The following KDELR2 variants were observed in gnomAD, a reference collection of about 807,000 sequenced individuals.
The protein encoded by KDELR2 is KDEL endoplasmic reticulum protein retention receptor 2, also known as ER lumen protein-retaining receptor 2.
In KDELR2, 15 loss-of-function variants were observed where a neutral mutation model predicts 23.9. That is an observed-to-expected ratio of 0.63 (90% CI 0.42 to 0.97). The LOEUF is 0.97. KDELR2 is among the 50% of genes least tolerant of loss of function. The probability of loss-of-function intolerance (pLI) is 0.00; values close to 1 mark genes in which losing one functional copy is unlikely to be tolerated. For missense variants in KDELR2, 272 were observed against 254.6 expected (o/e 1.07, Z -0.46); for synonymous variants, 119 against 106.2 (o/e 1.12, Z -0.74).
chr7:6,475,595 A>T (rs918700533), intron 1 of KDELR2, among the ~76,000 whole-genome samples: 3 of 152,022 alleles, frequency 2.0e-5, no homozygotes, highest in East Asian at 1.9e-4. Flanking sequence ...CCACCAACCC[A>T]CCTCCAGAGC....
chr7:6,462,813 T>TAA lies in KDELR2; in HGVS notation c.*326_*327dup. ...AAGAGTTTCAAAGAATTTTTTAAAATAAAAAAAAAATTTGCACTTATTCCT... is the reference window on the plus strand; with the variant it reads ...AAGAGTTTCAAAGAATTTTTTAAAATAAAAAAAAAAAATTTGCACTTATTCCT... On this transcript the variant is annotated 3_prime_UTR_variant, in exon 5 of 5. Coordinates refer to ENST00000258739, the MANE Select transcript of KDELR2 (RefSeq NM_006854.4). The TAA allele has an allele frequency of 1.8e-6, 1 of 566,568 alleles. No individual in the cohort carries two copies. The allele number at this position is 566,568 out of a possible 1,614,324, so 35.1% of individuals were successfully genotyped here.
At chr7:6,466,911 C>T (rs1785515040) in intron 3 of KDELR2, among the ~76,000 whole-genome samples, 1 of 152,138 alleles carries the variant, frequency 6.6e-6, no homozygotes, top group Non-Finnish European at 1.5e-5. Flanking sequence ...GCTTCACTTG[C>T]TCACCCACGG....
In KDELR2 at chr7:6,464,922, G is replaced by C. The variant is rs562540607; in HGVS notation, c.604+1149C>G. On this transcript the variant is annotated intron_variant, in intron 4 of 4. Transcript: ENST00000258739. ...CGGCTAATTTTGTATTTTTAGTAGA[G>C]ATGGGGTTTCGCCATGTTGGTCAGG... Among the ~76,000 whole-genome samples the C allele has an allele frequency of 3.6e-4, 54 of 151,944 alleles. No individual in the cohort carries two copies. In the South Asian group the frequency reaches 6.8e-3, roughly 19 times the overall value.
rs1333973027 is a variant in KDELR2, at chr7:6,462,692, A to C, written c.*449T>G. The stretch of plus-strand genomic sequence containing the variant: ...AACAAATACAGCTCATCTTTTGCCA[A>C]AAAATAAATATAGTGGAATGCAAGT... On this transcript the variant is annotated 3_prime_UTR_variant, in exon 5 of 5. Transcript: ENST00000258739. 3.3e-6 allele frequency: 1 copy of C among 300,576 alleles called. No individual in the cohort carries two copies. Among genetic ancestry groups the C allele is most frequent in the Non-Finnish European group, 6.1e-6 (1 of 163,806 alleles). The allele number at this position is 300,576 out of a possible 1,614,324, so 18.6% of individuals were successfully genotyped here.
At position 6,462,747 on chromosome 7, in the gene KDELR2, A is replaced by G; in HGVS notation, c.*394T>C. ...GGGATGGAAGAATATATAATCTATC[A>G]ACTGTCAAGGAGTACAATTTCATTG... is the stretch of plus-strand genomic sequence containing the variant. On this transcript the variant is annotated 3_prime_UTR_variant, in exon 5 of 5. Transcript: ENST00000258739. 4 of 440,130 alleles carry G rather than the reference A, an allele frequency of 9.1e-6. No individual in the cohort carries two copies. The highest frequency in any genetic ancestry group is 1.6e-5 in the Non-Finnish European group (4 of 250,598). 27.3% of individuals were successfully genotyped at this position (440,130 alleles called of 1,614,324 possible). A position where few individuals can be genotyped will look rare whatever the true frequency, so the allele number is the denominator to read the frequency against.
rs1785392071 is a variant in KDELR2 at position 6,461,706 on chromosome 7, A to C, written c.*1435T>G. 6.6e-6 allele frequency: 1 copy of C among 151,500 alleles called. No homozygotes were observed. Among genetic ancestry groups the C allele is most frequent in the South Asian group, 2.1e-4 (1 of 4,810 alleles). 9.4% of individuals were successfully genotyped at this position (151,500 alleles called of 1,614,324 possible). ...ACCCATCCTGCTCCCTTCCTCCAGAAGACGTTGTAATGCAGAAAGCCAAAA... is the reference window on the plus strand; with the variant it reads ...ACCCATCCTGCTCCCTTCCTCCAGACGACGTTGTAATGCAGAAAGCCAAAA... On this transcript the variant is annotated 3_prime_UTR_variant, in exon 5 of 5. Transcript: ENST00000258739.
In KDELR2 at chr7:6,474,202, C is replaced by T. The variant is rs1785708670; in HGVS notation, c.174G>A (p.Leu58=). Residue 58 remains leucine, a synonymous_variant, in exon 2 of 5, where the codon TTG becomes TTA. Transcript: ENST00000258739. ...YLDLFTSFIS[L]YNTSMKVIYL... ...ACCATACCTTCATAGATGTGTTATA[C>T]AATGAAATAAATGAAGTAAAAAGAT... 2 of 1,610,004 alleles carry T rather than the reference C, an allele frequency of 1.2e-6. No homozygotes were observed. The highest frequency in any genetic ancestry group is 3.3e-5 in the Admixed American group (2 of 59,988).
chr7:6,474,615 T>A (rs1785717781), intron 1 of KDELR2, among the ~76,000 whole-genome samples: 1 of 152,210 alleles, frequency 6.6e-6, no homozygotes, highest in African/African-American at 2.4e-5. Flanking sequence ...AATTTCTCAA[T>A]AATTCTGCTG....
intron 1 of KDELR2, 26 bp downstream of exon 1, chr7:6,483,941 T>C (rs1392692807): frequency 1.3e-6 from 2 of 1,481,966 alleles, no homozygotes; most frequent in Non-Finnish European, 9.0e-7. Flanking sequence ...CGCCCGAGCC[T>C]CTCCGGGCCT....
chr7:6,479,699 G>T (rs1785845988), intron 1 of KDELR2, among the ~76,000 whole-genome samples: 1 of 151,988 alleles, frequency 6.6e-6, no homozygotes, highest in Non-Finnish European at 1.5e-5. Context: ...GGATGGTCTG[G>T]ATCTCCTGCC....
chr7:6,470,866 G>A (rs1192194885), intron 2 of KDELR2, among the ~76,000 whole-genome samples: 2 of 152,068 alleles, frequency 1.3e-5, no homozygotes, highest in Non-Finnish European at 2.9e-5. Context: ...TGTAATCCTA[G>A]CACTCTGGGA....
chr7:6,464,517 TCAAAA>T (rs939167801), intron 4 of KDELR2, among the ~76,000 whole-genome samples: 11 of 151,776 alleles, frequency 7.2e-5, no homozygotes, highest in South Asian at 6.2e-4. Flanking sequence ...AGACTCAGTC[TCAAAA>T]CAAAACAAAA....
chr7:6,476,222 G>A (rs2115331503), intron 1 of KDELR2, among the ~76,000 whole-genome samples: 1 of 152,290 alleles, frequency 6.6e-6, no homozygotes, highest in African/African-American at 2.4e-5. Context: ...CATCTAAATA[G>A]AAATGGAAAA....
chr7:6,483,147 G>A lies in KDELR2; in HGVS notation c.91+820C>T, dbSNP rs900527038. Among the ~76,000 whole-genome samples the A allele has an allele frequency of 1.8e-4, 27 of 152,338 alleles. 1 individual carries two copies. The highest frequency in any genetic ancestry group is 1.2e-4 in the Non-Finnish European group (8 of 68,038). On this transcript the variant is annotated intron_variant, in intron 1 of 4. Transcript: ENST00000258739. The stretch of plus-strand genomic sequence containing the variant: ...TGCATGAAATCTGTACTCTTGATCA[G>A]GGAACCAGCCAGCTCACTGGTGACG...
chr7:6,466,746 G>A (rs76644135), intron 3 of KDELR2, among the ~76,000 whole-genome samples: 1 of 151,650 alleles, frequency 6.6e-6, no homozygotes, highest in Admixed American at 6.6e-5. Context: ...TCAGGCATTA[G>A]ATTTTCATAA....
intron 2 of KDELR2, among the ~76,000 whole-genome samples, chr7:6,473,409 T>C (rs1785693140): frequency 6.6e-6 from 1 of 152,168 alleles, no homozygotes; most frequent in African/African-American, 2.4e-5. Flanking sequence ...AATTCAACAC[T>C]GTGCGAAAGA....
chr7:6,465,485 A>ATG (rs67752280), intron 4 of KDELR2, among the ~76,000 whole-genome samples: 92 of 5,646 alleles, frequency 0.016, no homozygotes, highest in Non-Finnish European at 0.04. Context: ...CCTGGCATAA[A>ATG]TGTTTTTTTT....
chr7:6,466,023 T>C (rs1273258602), intron 4 of KDELR2, 48 bp downstream of exon 4: 2 of 1,599,798 alleles, frequency 1.3e-6, no homozygotes, highest in East Asian at 4.5e-5. Context: ...AGGGCACTCC[T>C]AAAAGAACAC....
Position 6,461,990 on chromosome 7 carries a change from G to A in KDELR2, c.*1151C>T, listed in dbSNP as rs1785397734. On this transcript the variant is annotated 3_prime_UTR_variant, in exon 5 of 5. Transcript: ENST00000258739. ...AAACAAAAAAATCCCAACACAGGAT[G>A]TTCAAAAAGCCTAATTCATAAAAAG... 6.6e-6 allele frequency: 1 copy of A among 152,114 alleles called. No homozygotes were observed. Among genetic ancestry groups the A allele is most frequent in the Admixed American group, 6.6e-5 (1 of 15,254 alleles). 9.4% of individuals were successfully genotyped at this position (152,114 alleles called of 1,614,324 possible). A position where few individuals can be genotyped will look rare whatever the true frequency, so the allele number is the denominator to read the frequency against.
Sources: allele counts gnomAD v4.1 joint callset (sites outside exome capture counted in the v4.1 genomes callset), GRCh38; gene constraint gnomAD v4.1.1; transcripts MANE v1.5; gene names NCBI Gene and HGNC (gene_info 2026-07-23, HGNC 2026-07-21).